Variants in CDR2L observed in about 807,000 individuals in gnomAD.
The protein encoded by CDR2L is cerebellar degeneration related protein 2 like.
In CDR2L, 19 loss-of-function variants were observed where a neutral mutation model predicts 36.1. That is an observed-to-expected ratio of 0.53 (90% CI 0.37 to 0.77). CDR2L has a LOEUF of 0.77. Ranked by LOEUF, CDR2L falls within the 30% of genes least tolerant of loss-of-function variation. The probability of loss-of-function intolerance (pLI) is 0.00; values close to 1 mark genes in which losing one functional copy is unlikely to be tolerated. For synonymous variants in CDR2L, 285 were observed against 280.4 expected (o/e 1.02, Z -0.16); for missense variants, 575 against 627.2 (o/e 0.92, Z 0.89).
rs1304849863 is a variant in CDR2L, at chr17:75,002,085, C to T, written c.363C>T (p.Arg121=). The part of the protein sequence containing the change: ...KIHGLTETIE[R]LQAQVEELQA... The stretch of plus-strand genomic sequence containing the variant: ...CCAGGCTGACGGAGACCATTGAGCG[C>T]CTCCAGGCTCAGGTGGAGGAGCTGC... The change falls in exon 4 of 5, where the codon CGC becomes CGT. Residue 121 remains arginine, a synonymous_variant. Transcript: ENST00000337231. The surrounding 1 kb of genome is among the most constrained non-coding windows in gnomAD (Gnocchi z 4.1). The T allele has an allele frequency of 6.3e-7, 1 of 1,598,288 alleles. No individual in the cohort carries two copies. Among genetic ancestry groups the T allele is most frequent in the Non-Finnish European group, 8.5e-7 (1 of 1,174,114 alleles).
intron 1 of CDR2L, among the ~76,000 whole-genome samples, chr17:74,997,807 C>T (rs1389747035): frequency 1.3e-5 from 2 of 150,784 alleles, no homozygotes; most frequent in Non-Finnish European, 2.9e-5. Flanking sequence ...ATCAGGAGTT[C>T]AAGACCAGCC....
In CDR2L at chr17:75,003,241, G is replaced by C. The variant is rs1324307738; in HGVS notation, c.565G>C (p.Glu189Gln). 6.4e-7 allele frequency: 1 copy of C among 1,564,210 alleles called. No homozygotes were observed. Among genetic ancestry groups the C allele is most frequent in the East Asian group, 2.4e-5 (1 of 41,964 alleles). Residue 189 changes from glutamate (E) to glutamine (Q), a missense_variant, in exon 5 of 5, where the codon GAG becomes CAG. Physicochemically the swap from Glu to Gln is conservative, Grantham distance 29. Transcript: ENST00000337231. ...CCTGGAGCTGGGCCCGCGGCCCCTGGAGCAGGAGAACGAGCGGCTGCAGAC... is the reference window on the plus strand; with the variant it reads ...CCTGGAGCTGGGCCCGCGGCCCCTGCAGCAGGAGAACGAGCGGCTGCAGAC... ...SSLELGPRPL[E>Q]QENERLQTLV...
chr17:74,996,561 C>G (rs4789123), intron 1 of CDR2L, among the ~76,000 whole-genome samples: 141,924 of 152,048 alleles, frequency 0.93, 66,856 homozygotes, highest in East Asian at 1. Context: ...TCAGACCCAC[C>G]AAGAGAATTT....
Position 75,000,873 on chromosome 17 carries a change from G to A in CDR2L, c.193-468G>A, listed in dbSNP as rs932496271. Among the ~76,000 whole-genome samples, 85 of 150,768 alleles carry A rather than the reference G, an allele frequency of 5.6e-4. 1 individual carries two copies. The highest frequency in any genetic ancestry group is 2.4e-4 in the Non-Finnish European group (16 of 67,790). On this transcript the variant is annotated intron_variant, in intron 2 of 4. Coordinates refer to ENST00000337231, the MANE Select transcript of CDR2L (RefSeq NM_014603.3). The stretch of plus-strand genomic sequence containing the variant: ...GTGGAGCTTGCAGTGAGCCGATGTC[G>A]CGCCACTGCACTCCAGCCTGGGCGA...
In CDR2L at chr17:75,002,029, T is replaced by C; in HGVS notation, c.342-35T>C. On this transcript the variant is annotated intron_variant, in intron 3 of 4. Transcript: ENST00000337231. The surrounding 1 kb of genome is among the most constrained non-coding windows in gnomAD (Gnocchi z 4.1). ...CGTGAGGCAAACTGGCCCCATCCCC[T>C]TAAAGTCCCTGTGTGTCCACCACCC... 1 of 1,514,658 alleles carries C rather than the reference T, an allele frequency of 6.6e-7. No homozygotes were observed. Among genetic ancestry groups the C allele is most frequent in the Non-Finnish European group, 8.8e-7 (1 of 1,136,762 alleles). The allele number at this position is 1,514,658 out of a possible 1,614,324, so 93.8% of individuals were successfully genotyped here.
In CDR2L at chr17:75,003,444, G is replaced by C; in HGVS notation, c.768G>C (p.Gln256His). The C allele has an allele frequency of 6.3e-7, 1 of 1,578,178 alleles. No individual in the cohort carries two copies. The highest frequency in any genetic ancestry group is 8.6e-7 in the Non-Finnish European group (1 of 1,163,144). ...AGGCCGAGCTGCTGGAGCTGCAGCA[G>C]ATGAAGCAGGCCAAGACCTACCTAC... is the stretch of plus-strand genomic sequence containing the variant. ...ELEAELLELQ[Q>H]MKQAKTYLLG... is the part of the protein sequence containing the mutation. The change falls in exon 5 of 5, where the codon CAG (glutamine) becomes CAC (histidine). Residue 256 changes from glutamine to histidine, a missense_variant. Transcript: ENST00000337231.
At position 74,989,508 on chromosome 17, in the gene CDR2L, A is replaced by G. The variant is rs1287060103; in HGVS notation, c.79+1386A>G. ...GCAGTAAATTTTTCCATGAACACCT[A>G]TTAGGCTCCCCTTAAGTACCAGACA... On this transcript the variant is annotated intron_variant, in intron 1 of 4. Transcript: ENST00000337231. The surrounding 1 kb of genome is among the most constrained non-coding windows in gnomAD (Gnocchi z 4.2). 6.6e-6 allele frequency among the ~76,000 whole-genome samples: 1 copy of G among 151,594 alleles called. No individual in the cohort carries two copies. Among genetic ancestry groups the G allele is most frequent in the Non-Finnish European group, 1.5e-5 (1 of 67,922 alleles).
At position 75,004,351 on chromosome 17, in the gene CDR2L, G is replaced by C; in HGVS notation, c.*277G>C. ...CCCCAGGGATCCCCCAGCTCCCCCA[G>C]CCCCTGGCTTCCTGACCCTGCGCCT... On this transcript the variant is annotated 3_prime_UTR_variant, in exon 5 of 5. Transcript: ENST00000337231. The C allele has an allele frequency of 2.7e-6, 1 of 372,070 alleles. No homozygotes were observed. Among genetic ancestry groups the C allele is most frequent in the Non-Finnish European group, 4.8e-6 (1 of 207,018 alleles). 23.0% of individuals were successfully genotyped at this position (372,070 alleles called of 1,614,324 possible).
rs1204164881 is a variant in CDR2L, at chr17:75,003,286, T to G, written c.610T>G (p.Ser204Ala). 1 of 1,556,332 alleles carries G rather than the reference T, an allele frequency of 6.4e-7. No homozygotes were observed. The highest frequency in any genetic ancestry group is 8.7e-7 in the Non-Finnish European group (1 of 1,151,060). The change falls in exon 5 of 5, where the codon TCC becomes GCC. Residue 204 changes from serine (S) to alanine (A), a missense_variant. Transcript: ENST00000337231. ...GCAGACCCTGGTGGGGGCGCTGCGC[T>G]CCCAGGTGAGCCAGGAGCGGCAGCG... is the stretch of plus-strand genomic sequence containing the variant. ...RLQTLVGALR[S>A]QVSQERQRKE...
In CDR2L at chr17:74,989,020, T is replaced by A. The variant is rs561250597; in HGVS notation, c.79+898T>A. Reference sequence around the variant, plus strand: ...TGCCTCCTTCTTGGATGGTGAGAGCTGGAAGGGGCGAGGAAACATGTCCAG... The same window carrying A: ...TGCCTCCTTCTTGGATGGTGAGAGCAGGAAGGGGCGAGGAAACATGTCCAG... On this transcript the variant is annotated intron_variant, in intron 1 of 4. Coordinates refer to ENST00000337231, the MANE Select transcript of CDR2L (RefSeq NM_014603.3). The surrounding 1 kb of genome is among the most constrained non-coding windows in gnomAD (Gnocchi z 4.2). Among the ~76,000 whole-genome samples, 1 of 151,880 alleles carries A rather than the reference T, an allele frequency of 6.6e-6. No individual in the cohort carries two copies. Among genetic ancestry groups the A allele is most frequent in the Admixed American group, 6.6e-5 (1 of 15,262 alleles).
chr17:75,000,584 C>T (rs1474558342), intron 2 of CDR2L, among the ~76,000 whole-genome samples: 1 of 141,240 alleles, frequency 7.1e-6, no homozygotes, highest in Non-Finnish European at 1.5e-5. Context: ...AGGTGTGAGC[C>T]ATCACGCCGG....
chr17:74,995,069 C>CAA (rs34010923), intron 1 of CDR2L, among the ~76,000 whole-genome samples: 5 of 90,770 alleles, frequency 5.5e-5, no homozygotes, highest in African/African-American at 1.2e-4. Flanking sequence ...GACTCAGTCT[C>CAA]AAAAAAAAAA....
chr17:74,994,451 C>A (rs2039813602), intron 1 of CDR2L, among the ~76,000 whole-genome samples: 1 of 152,154 alleles, frequency 6.6e-6, no homozygotes, highest in African/African-American at 2.4e-5. Context: ...CTCAAGAAGG[C>A]CTACCTTTTG....
In CDR2L at chr17:74,989,654, T is replaced by G. The variant is rs2039785095; in HGVS notation, c.79+1532T>G. The stretch of plus-strand genomic sequence containing the variant: ...GTATTTTTTTCTTTTTTCTTTTTAT[T>G]TATTTATTTATTTATTTTCAGACAG... On this transcript the variant is annotated intron_variant, in intron 1 of 4. Transcript: ENST00000337231. This position sits in a 1 kb window ranked among gnomAD's most constrained non-coding sequence, Gnocchi z 4.2. Among the ~76,000 whole-genome samples, 1 of 151,830 alleles carries G rather than the reference T, an allele frequency of 6.6e-6. No individual in the cohort carries two copies. The highest frequency in any genetic ancestry group is 6.6e-5 in the Admixed American group (1 of 15,236).
intron 1 of CDR2L, among the ~76,000 whole-genome samples, chr17:74,995,929 C>T (rs2039822179): frequency 6.6e-6 from 1 of 152,074 alleles, no homozygotes; most frequent in South Asian, 2.1e-4. Flanking sequence ...CCTGCTCTAA[C>T]GACCTCTTTG....
chr17:74,999,626 C>T lies in CDR2L; in HGVS notation c.192+10C>T. 2 of 1,507,910 alleles carry T rather than the reference C, an allele frequency of 1.3e-6. No individual in the cohort carries two copies. The highest frequency in any genetic ancestry group is 1.8e-6 in the Non-Finnish European group (2 of 1,107,388). The allele number at this position is 1,507,910 out of a possible 1,614,324, so 93.4% of individuals were successfully genotyped here. ...GGTGCAGGAGATCGAGGTGAGGGCC[C>T]TGCATGTGCTTGCCCACACCCCTCG... is the stretch of plus-strand genomic sequence containing the variant. On this transcript the variant is annotated intron_variant, in intron 2 of 4. Coordinates refer to ENST00000337231, the MANE Select transcript of CDR2L (RefSeq NM_014603.3).
At chr17:74,999,643 C>T in intron 2 of CDR2L, 27 bp downstream of exon 2, 1 of 1,426,456 alleles carries the variant, frequency 7.0e-7, no homozygotes, top group Non-Finnish European at 9.6e-7. Flanking sequence ...TGCTTGCCCA[C>T]ACCCCTCGAG....
rs1350907412 is a variant in CDR2L at position 75,002,147 on chromosome 17, T to C, written c.425T>C (p.Leu142Pro). Residue 142 changes from leucine to proline, a missense_variant, in exon 4 of 5, where the codon CTG becomes CCG. Coordinates refer to ENST00000337231, the MANE Select transcript of CDR2L (RefSeq NM_014603.3). This position sits in a 1 kb window ranked among gnomAD's most constrained non-coding sequence, Gnocchi z 4.1. ...QVEQLRGLEQ[L>P]RVLREKRERR... ...GAGCAACTGAGAGGCCTGGAACAGC[T>C]GCGAGTGCTCCGGGAGAAGCGGGAA... 2 of 1,605,792 alleles carry C rather than the reference T, an allele frequency of 1.2e-6. No homozygotes were observed. The highest frequency in any genetic ancestry group is 2.7e-5 in the African/African-American group (2 of 74,722).
chr17:75,002,415 T>C lies in CDR2L; in HGVS notation c.506+187T>C, dbSNP rs1436757315. ...GTGTGCTGCCACTATGCTGATATAA[T>C]TCTTATTGCAACACTGTTGGGGGTG... On this transcript the variant is annotated intron_variant, in intron 4 of 4. Transcript: ENST00000337231. The surrounding 1 kb of genome is among the most constrained non-coding windows in gnomAD (Gnocchi z 4.1). 6.6e-6 allele frequency among the ~76,000 whole-genome samples: 1 copy of C among 152,190 alleles called. No individual in the cohort carries two copies. The highest frequency in any genetic ancestry group is 2.4e-5 in the African/African-American group (1 of 41,444).
Sources: gnomAD v4.1 joint callset for allele counts (sites outside exome capture counted in the v4.1 genomes callset) on GRCh38, gnomAD v4.1.1 for gene constraint, Gnocchi (gnomAD v3.1) non-coding constraint, MANE v1.5 for transcripts, NCBI Gene and HGNC (gene_info 2026-07-23, HGNC 2026-07-21) for gene names.